The following DEF8 variants were observed in gnomAD, a reference collection of about 807,000 sequenced individuals.
The protein encoded by DEF8 is DEF-8.
A neutral mutation model predicts 59.1 loss-of-function variants in DEF8; 38 were observed. The observed-to-expected ratio is 0.64, with a 90% confidence interval of 0.50 to 0.84. The LOEUF (loss-of-function observed/expected upper bound fraction) is 0.84, where lower values mean the gene tolerates loss of function less well. DEF8 is among the 40% of genes least tolerant of loss of function. The probability of loss-of-function intolerance (pLI) is 0.00; values close to 1 mark genes in which losing one functional copy is unlikely to be tolerated. For synonymous variants in DEF8, 265 were observed against 250.1 expected, an observed-to-expected ratio of 1.06 and a Z score of -0.56; for missense variants, 557 against 615.2, an observed-to-expected ratio of 0.91 and a Z score of 1.00.
At chr16:89,951,859 C>G (rs1251159409) in intron 2 of DEF8, among the ~76,000 whole-genome samples, 5 of 151,934 alleles carry the variant, frequency 3.3e-5, no homozygotes, top group South Asian at 2.1e-4. Context: ...TATACACACA[C>G]ATACATATTT....
Position 89,953,054 on chromosome 16 carries a change from A to G in DEF8, c.-10-1189A>G, listed in dbSNP as rs553697467. Among the ~76,000 whole-genome samples the G allele has an allele frequency of 8.5e-5, 13 of 152,340 alleles. No homozygotes were observed. The East Asian group carries it at 2.5e-3, about 29-fold the overall frequency. ...AGACAGAGGATAAATCATAGGATTG[A>G]TTATTATAATTGTGAATTATTTCAG... On this transcript the variant is annotated intron_variant, in intron 2 of 12. Coordinates refer to ENST00000563594, the MANE Select transcript of DEF8 (RefSeq NM_001242818.2).
At chr16:89,950,534 T>C (rs767418137) in intron 2 of DEF8, among the ~76,000 whole-genome samples, 1 of 152,082 alleles carries the variant, frequency 6.6e-6, no homozygotes, top group Non-Finnish European at 1.5e-5. Context: ...ATTACAGGCA[T>C]GCACCACCAT....
intron 2 of DEF8, chr16:89,949,998 C>G (rs145424178): frequency 3.9e-6 from 4 of 1,033,872 alleles, no homozygotes; most frequent in Non-Finnish European, 3.5e-6. Flanking sequence ...ATCCCCTGCC[C>G]GTGCGCCAGG....
In DEF8 at chr16:89,967,648, G is replaced by A. The variant is rs2034673015; in HGVS notation, c.*1685G>A. On this transcript the variant is annotated 3_prime_UTR_variant, in exon 13 of 13. Coordinates refer to ENST00000563594, the MANE Select transcript of DEF8 (RefSeq NM_001242818.2). ...AGGAGGAGGTTAAAGGCCAAATGCT[G>A]TTTCCCAACACCCCAAAGTCTGCAC... is the stretch of plus-strand genomic sequence containing the variant. 2.5e-6 allele frequency: 1 copy of A among 396,368 alleles called. No individual in the cohort carries two copies. Among genetic ancestry groups the A allele is most frequent in the Non-Finnish European group, 4.4e-6 (1 of 225,310 alleles). 24.6% of individuals were successfully genotyped at this position (396,368 alleles called of 1,614,324 possible).
At chr16:89,956,021 C>T (rs1597481338) in intron 4 of DEF8, among the ~76,000 whole-genome samples, 2 of 151,860 alleles carry the variant, frequency 1.3e-5, no homozygotes, top group South Asian at 2.1e-4. Context: ...TGCAGTGAGC[C>T]GAGACTGCGC....
chr16:89,967,394 C>T lies in DEF8; in HGVS notation c.*1431C>T, dbSNP rs781080540. ...ACGGCAGGGTCTCCTCTTTGTCCTC[C>T]GGCATCAGGAAGGGGATGGTGTCCA... On this transcript the variant is annotated 3_prime_UTR_variant, in exon 13 of 13. Coordinates refer to ENST00000563594, the MANE Select transcript of DEF8 (RefSeq NM_001242818.2). 9.3e-5 allele frequency: 37 copies of T among 398,620 alleles called. No individual in the cohort carries two copies. Among genetic ancestry groups the T allele is most frequent in the Admixed American group, 4.8e-4 (11 of 22,724 alleles). The allele number at this position is 398,620 out of a possible 1,614,324, so 24.7% of individuals were successfully genotyped here.
intron 4 of DEF8, among the ~76,000 whole-genome samples, chr16:89,955,801 G>T (rs913206982): frequency 6.6e-6 from 1 of 152,342 alleles, no homozygotes; most frequent in South Asian, 2.1e-4. Context: ...GGCCGGGCGC[G>T]GTGGCTCACG....
At chr16:89,962,579 C>T (rs1474529764) in intron 9 of DEF8, among the ~76,000 whole-genome samples, 1 of 152,024 alleles carries the variant, frequency 6.6e-6, no homozygotes, top group East Asian at 1.9e-4. Context: ...TCACTTGAAC[C>T]CGGGAGGCTG....
rs901161760 is a variant in DEF8 at position 89,949,745 on chromosome 16, C to T, written c.-11+232C>T. On this transcript the variant is annotated intron_variant, in intron 2 of 12. Coordinates refer to ENST00000563594, the MANE Select transcript of DEF8 (RefSeq NM_001242818.2). ...TTCATTGCTAAGTTGTGGGGTCCTC[C>T]CCGATGAGAGCAGTGGGCTCTAGAG... is the stretch of plus-strand genomic sequence containing the variant. 5 of 1,117,536 alleles carry T rather than the reference C, an allele frequency of 4.5e-6. No homozygotes were observed. In the African/African-American group the frequency reaches 7.8e-5, roughly 18 times the overall value. The allele number at this position is 1,117,536 out of a possible 1,614,324, so 69.2% of individuals were successfully genotyped here.
chr16:89,955,455 G>A (rs905752014), intron 4 of DEF8, among the ~76,000 whole-genome samples, 189 bp downstream of exon 4: 3 of 152,188 alleles, frequency 2.0e-5, no homozygotes, highest in African/African-American at 7.2e-5. Flanking sequence ...TCTGAGGCCT[G>A]CATGACACCA....
chr16:89,965,421 G>A (rs1173070295), intron 12 of DEF8, among the ~76,000 whole-genome samples: 3 of 152,206 alleles, frequency 2.0e-5, no homozygotes, highest in Non-Finnish European at 4.4e-5. Context: ...GAACTCGCTC[G>A]AGCTAGTCGT....
chr16:89,956,222 C>A (rs192561437), intron 4 of DEF8, among the ~76,000 whole-genome samples: 16 of 150,198 alleles, frequency 1.1e-4, no homozygotes, highest in Admixed American at 1.1e-3. Flanking sequence ...TTTGGGAGGC[C>A]GAGGCGGGCG....
At chr16:89,955,450 G>C (rs2032999957) in intron 4 of DEF8, among the ~76,000 whole-genome samples, 184 bp downstream of exon 4, 1 of 152,168 alleles carries the variant, frequency 6.6e-6, no homozygotes, top group Admixed American at 6.5e-5. Context: ...TCGAATCTGA[G>C]GCCTGCATGA....
intron 6 of DEF8, among the ~76,000 whole-genome samples, chr16:89,960,473 C>CA (rs149156863): frequency 2.9e-3 from 438 of 152,254 alleles, no homozygotes; most frequent in African/African-American, 1.0e-2. Context: ...TGCACGACTA[C>CA]ACTCCAGCCT....
At chr16:89,958,441 T>G (rs2033567636) in intron 5 of DEF8, 2 of 158,520 alleles carry the variant, frequency 1.3e-5, no homozygotes, top group Admixed American at 5.9e-5. Context: ...AGTCCTTGGG[T>G]CTGTGTGTGC....
Position 89,966,944 on chromosome 16 carries a change from G to A in DEF8, c.*981G>A, listed in dbSNP as rs1309979716. The A allele has an allele frequency of 4.6e-6, 1 of 217,454 alleles. No individual in the cohort carries two copies. The highest frequency in any genetic ancestry group is 9.4e-5 in the East Asian group (1 of 10,632). 13.5% of individuals were successfully genotyped at this position (217,454 alleles called of 1,614,324 possible). On this transcript the variant is annotated 3_prime_UTR_variant, in exon 13 of 13. Coordinates refer to ENST00000563594, the MANE Select transcript of DEF8 (RefSeq NM_001242818.2). Reference sequence around the variant, plus strand: ...TTGGGGGCCTGAGGTCAAGAGAGCTGAGAGTATTCGCTCGACTGAGCACAT... The same window carrying A: ...TTGGGGGCCTGAGGTCAAGAGAGCTAAGAGTATTCGCTCGACTGAGCACAT...
chr16:89,961,283 G>C (rs1397511928), intron 7 of DEF8, among the ~76,000 whole-genome samples, 188 bp downstream of exon 7: 1 of 152,222 alleles, frequency 6.6e-6, no homozygotes, highest in Non-Finnish European at 1.5e-5. Context: ...AGCAGACTGA[G>C]GTTCCAGCCG....
chr16:89,960,927 C>T lies in DEF8; in HGVS notation c.515-4C>T. 2 of 1,612,974 alleles carry T rather than the reference C, an allele frequency of 1.2e-6. No individual in the cohort carries two copies. Among genetic ancestry groups the T allele is most frequent in the South Asian group, 1.1e-5 (1 of 91,010 alleles). ...TTTGAGAAGTGTGTGTCCCTCCACC[C>T]TAGGGTGTTATTACCGCTGTCACAG... On this transcript the variant is annotated splice_polypyrimidine_tract_variant and splice_region_variant and intron_variant, in intron 6 of 12. Coordinates refer to ENST00000563594, the MANE Select transcript of DEF8 (RefSeq NM_001242818.2).
At chr16:89,956,590 C>T (rs1273916565) in intron 4 of DEF8, 3 of 152,076 alleles carry the variant, frequency 2.0e-5, no homozygotes, top group Non-Finnish European at 2.9e-5. Context: ...ACTGCAGCCT[C>T]GACCTCCTGA....
Sources: allele counts gnomAD v4.1 joint callset (sites outside exome capture counted in the v4.1 genomes callset), GRCh38; gene constraint gnomAD v4.1.1; transcripts MANE v1.5; gene names NCBI Gene and HGNC (gene_info 2026-07-23, HGNC 2026-07-21).